The following TLL1 variants were observed in gnomAD, a reference collection of about 807,000 sequenced individuals.
TLL1 encodes tolloid like 1.
In TLL1, 49 loss-of-function variants were observed where a neutral mutation model predicts 128.2. The observed-to-expected ratio is 0.38, with a 90% CI of 0.30 to 0.48. The LOEUF (loss-of-function observed/expected upper bound fraction) is 0.48. Among genes scored for constraint, TLL1 ranks in the 20% least tolerant of loss-of-function variants. TLL1 has a pLI of 0.96. For synonymous variants in TLL1, 454 were observed against 418.8 expected (o/e 1.08, Z -1.03); for missense variants, 1,123 against 1,242.0 (o/e 0.90, Z 1.44).
intron 1 of TLL1, among the ~76,000 whole-genome samples, chr4:165,968,099 A>C (rs557887078): frequency 1.3e-5 from 2 of 152,298 alleles, no homozygotes; most frequent in African/African-American, 4.8e-5. Context: ...GCGGCTTTTC[A>C]TCCCTTCTCT....
intron 1 of TLL1, among the ~76,000 whole-genome samples, chr4:165,911,082 T>A (rs2110871581): frequency 6.6e-6 from 1 of 152,292 alleles, no homozygotes; most frequent in South Asian, 2.1e-4. Flanking sequence ...ATATATAATG[T>A]GTTATTATTA....
intron 6 of TLL1, among the ~76,000 whole-genome samples, chr4:166,005,429 G>C (rs530046913): frequency 2.0e-4 from 30 of 152,046 alleles, no homozygotes; most frequent in African/African-American, 7.2e-4. Context: ...ACTTGGTAGA[G>C]TATGTCCTAA....
intron 8 of TLL1, among the ~76,000 whole-genome samples, chr4:166,016,018 T>G (rs964439220): frequency 1.3e-5 from 2 of 152,046 alleles, no homozygotes; most frequent in Admixed American, 6.6e-5. Flanking sequence ...AAATTTTTTG[T>G]GTATAAATAT....
In TLL1 at chr4:166,065,714, G is replaced by A. The variant is rs116625723; in HGVS notation, c.2039G>A (p.Ser680Asn). ...AAATATGATTATGTGGAGATCTGGA[G>A]TGGTCTTTCCTCTGAGTCTAAACTG... ...VCKYDYVEIW[S>N]GLSSESKLHG... Residue 680 changes from serine (S) to asparagine (N), a missense_variant, in exon 16 of 21, where the codon AGT becomes AAT. By Grantham distance (46) the Ser-to-Asn change is conservative (BLOSUM62 1). Coordinates refer to ENST00000061240, the MANE Select transcript of TLL1 (RefSeq NM_012464.5). The A allele has an allele frequency of 6.2e-7, 1 of 1,609,896 alleles. No individual in the cohort carries two copies. The highest frequency in any genetic ancestry group is 2.2e-5 in the East Asian group (1 of 44,574).
intron 8 of TLL1, among the ~76,000 whole-genome samples, chr4:166,015,821 A>T (rs1422729525): frequency 6.6e-6 from 1 of 151,698 alleles, no homozygotes; most frequent in East Asian, 1.9e-4. Context: ...CTATTCCTTA[A>T]TACTAGATTT....
At chr4:165,997,662 A>G (rs1261852704) in intron 5 of TLL1, among the ~76,000 whole-genome samples, 3 of 152,164 alleles carry the variant, frequency 2.0e-5, no homozygotes, top group Non-Finnish European at 2.9e-5. Context: ...GCTCTTATTC[A>G]TTTAACATTT....
At chr4:166,086,076 A>G (rs1741498163) in intron 18 of TLL1, among the ~76,000 whole-genome samples, 1 of 152,132 alleles carries the variant, frequency 6.6e-6, no homozygotes, top group Admixed American at 6.6e-5. Context: ...ATGATCTAGC[A>G]GTTATAGATA....
intron 1 of TLL1, among the ~76,000 whole-genome samples, chr4:165,884,218 G>A (rs960482948): frequency 1.3e-5 from 2 of 152,196 alleles, no homozygotes; most frequent in African/African-American, 4.8e-5. Context: ...TGTGTAAATA[G>A]TTGTTTATGT....
At chr4:165,912,278 C>T (rs1732570365) in intron 1 of TLL1, among the ~76,000 whole-genome samples, 1 of 152,156 alleles carries the variant, frequency 6.6e-6, no homozygotes, top group South Asian at 2.1e-4. Flanking sequence ...GGTCTTAACA[C>T]ACTGTGTTAT....
chr4:165,924,422 A>C (rs1733178607), intron 1 of TLL1, among the ~76,000 whole-genome samples: 2 of 152,220 alleles, frequency 1.3e-5, no homozygotes, highest in African/African-American at 4.8e-5. Flanking sequence ...TAGATCAGTC[A>C]ACCACAACAT....
intron 18 of TLL1, among the ~76,000 whole-genome samples, chr4:166,087,400 T>C (rs1741573213): frequency 6.6e-6 from 1 of 152,142 alleles, no homozygotes; most frequent in African/African-American, 2.4e-5. Context: ...TTCTTTTGAA[T>C]CAGGAGACTG....
chr4:165,925,704 G>A (rs1034993342), intron 1 of TLL1, among the ~76,000 whole-genome samples: 1 of 152,130 alleles, frequency 6.6e-6, no homozygotes, highest in African/African-American at 2.4e-5. Context: ...TAGGTAAAAT[G>A]CTACCAAACA....
chr4:166,071,643 T>G (rs1471610303), intron 16 of TLL1, among the ~76,000 whole-genome samples: 1 of 151,996 alleles, frequency 6.6e-6, no homozygotes, highest in East Asian at 1.9e-4. Context: ...CTTTTCTCTT[T>G]CCTTGGATTT....
chr4:166,029,241 GCTTT>G (rs1738642248), intron 9 of TLL1, among the ~76,000 whole-genome samples: 1 of 151,796 alleles, frequency 6.6e-6, no homozygotes, highest in African/African-American at 2.4e-5. Flanking sequence ...CTCTCTACCA[GCTTT>G]CTTTCTTAAT....
At chr4:165,945,916 C>G (rs924453379) in intron 1 of TLL1, among the ~76,000 whole-genome samples, 3 of 152,094 alleles carry the variant, frequency 2.0e-5, no homozygotes, top group African/African-American at 7.2e-5. Context: ...AGGGATTATC[C>G]TAGATTTTTC....
intron 13 of TLL1, 126 bp from the exon 14 acceptor site, chr4:166,057,058 T>C: frequency 7.5e-6 from 8 of 1,066,020 alleles, no homozygotes; most frequent in Non-Finnish European, 1.1e-5. Context: ...GTCCCTCTCA[T>C]GACACGTGAG....
chr4:165,885,782 G>A, intron 1 of TLL1, among the ~76,000 whole-genome samples: 1 of 152,178 alleles, frequency 6.6e-6, no homozygotes, highest in East Asian at 1.9e-4. Context: ...TCAAGTTTGA[G>A]GTCAGTGTTC....
intron 1 of TLL1, among the ~76,000 whole-genome samples, chr4:165,980,719 A>G (rs1736114278): frequency 6.6e-6 from 1 of 152,120 alleles, no homozygotes; most frequent in Non-Finnish European, 1.5e-5. Context: ...AGAAGGCAAA[A>G]TAGTCCATTT....
chr4:165,910,405 T>A (rs549541944), intron 1 of TLL1, among the ~76,000 whole-genome samples: 2 of 152,212 alleles, frequency 1.3e-5, no homozygotes, highest in Admixed American at 6.5e-5. Context: ...TGGGAAAAAC[T>A]GTAAGACAGA....
Sources: gnomAD v4.1 joint callset for allele counts (sites outside exome capture counted in the v4.1 genomes callset) on GRCh38, gnomAD v4.1.1 for gene constraint, MANE v1.5 for transcripts, NCBI Gene and HGNC (gene_info 2026-07-23, HGNC 2026-07-21) for gene names.